P2RY14: variants seen among roughly 807,000 people sequenced by gnomAD.
P2RY14 encodes the protein purinergic receptor P2Y14, also known as P2Y purinoceptor 14.
A neutral mutation model predicts 0.9 loss-of-function variants in P2RY14; 2 were observed. The ratio of observed to expected loss-of-function variants is 2.16; its 90% CI spans 0.88 to 6.79. The LOEUF (loss-of-function observed/expected upper bound fraction) is 6.79, where lower values mean the gene tolerates loss of function less well. Ranked by LOEUF, P2RY14 falls within the 30% of genes most tolerant of loss-of-function variation. P2RY14 has a pLI of 0.05. For synonymous variants in P2RY14, 158 were observed against 147.2 expected, an observed-to-expected ratio of 1.07 and a Z score of -0.53; for missense variants, 378 against 400.1, an observed-to-expected ratio of 0.94 and a Z score of 0.47.
At chr3:151,271,031 T>C (rs1453732268) in intron 1 of P2RY14, among the ~76,000 whole-genome samples, 4 of 148,080 alleles carry the variant, frequency 2.7e-5, no homozygotes, top group Admixed American at 2.7e-4. Context: ...AAAAAAAAAA[T>C]CCCCAAATTT....
chr3:151,223,710 A>G (rs941702845), intron 1 of P2RY14, among the ~76,000 whole-genome samples: 3 of 152,220 alleles, frequency 2.0e-5, no homozygotes, highest in African/African-American at 7.2e-5. Flanking sequence ...GAAGCGGGGA[A>G]ATGGTGGAAA....
intron 1 of P2RY14, among the ~76,000 whole-genome samples, chr3:151,240,572 G>A (rs951581758): frequency 6.6e-6 from 1 of 152,234 alleles, no homozygotes; most frequent in African/African-American, 2.4e-5. Context: ...AACAAAAGGT[G>A]TAGCTCAAGA....
At chr3:151,267,921 A>G (rs1253100016) in intron 1 of P2RY14, among the ~76,000 whole-genome samples, 4 of 152,154 alleles carry the variant, frequency 2.6e-5, no homozygotes, top group African/African-American at 9.6e-5. Flanking sequence ...GTATTTTATC[A>G]GTTGCTAAGT....
intron 1 of P2RY14, among the ~76,000 whole-genome samples, chr3:151,277,360 A>C (rs1446851532): frequency 6.6e-6 from 1 of 152,196 alleles, no homozygotes; most frequent in Non-Finnish European, 1.5e-5. Context: ...AAATCATAAA[A>C]TATGCCATTT....
intron 1 of P2RY14, among the ~76,000 whole-genome samples, chr3:151,240,906 G>A (rs969674586): frequency 2.6e-5 from 4 of 152,206 alleles, no homozygotes; most frequent in Non-Finnish European, 2.9e-5. Flanking sequence ...TTGATTAGCT[G>A]TGTCATCTTG....
intron 1 of P2RY14, among the ~76,000 whole-genome samples, chr3:151,224,358 T>C (rs1210099430): frequency 6.6e-6 from 1 of 152,222 alleles, no homozygotes; most frequent in Non-Finnish European, 1.5e-5. Context: ...TAGAAAATAG[T>C]ATAGATGTAT....
chr3:151,231,452 C>T (rs4680257), intron 1 of P2RY14, among the ~76,000 whole-genome samples: 69,664 of 152,090 alleles, frequency 0.46, 16,515 homozygotes, highest in Middle Eastern at 0.6. Flanking sequence ...AATCTGGCAT[C>T]GTATGCCTCC....
At chr3:151,235,840 A>G (rs1577063708) in intron 1 of P2RY14, among the ~76,000 whole-genome samples, 2 of 152,204 alleles carry the variant, frequency 1.3e-5, no homozygotes, top group South Asian at 4.2e-4. Flanking sequence ...TCACCTTCTC[A>G]GCAAGGCCTT....
intron 1 of P2RY14, among the ~76,000 whole-genome samples, chr3:151,227,868 A>G (rs768329254): frequency 6.3e-4 from 96 of 151,948 alleles, no homozygotes; most frequent in Non-Finnish European, 7.9e-4. Context: ...TGTCTTGTGT[A>G]TTGTTGGGTG....
At position 151,213,696 on chromosome 3, in the gene P2RY14, A is replaced by G. The variant is rs1432770424; in HGVS notation, c.621T>C (p.Thr207=). Residue 207 remains threonine (T), a synonymous_variant, in exon 3 of 3, where the codon ACT becomes ACC. Transcript: ENST00000309170. The part of the protein sequence containing the change: ...IVFLLLIVFY[T]AITKKIFKSH... ...ACTTAAAGATTTTCTTTGTGATAGC[A>G]GTATAGAAAACGATTAACAAAAGAA... The G allele has an allele frequency of 6.8e-6, 11 of 1,614,254 alleles. No individual in the cohort carries two copies. Among genetic ancestry groups the G allele is most frequent in the Non-Finnish European group, 7.6e-6 (9 of 1,180,040 alleles).
At chr3:151,246,644 G>A (rs573041945) in intron 1 of P2RY14, among the ~76,000 whole-genome samples, 9 of 152,098 alleles carry the variant, frequency 5.9e-5, no homozygotes, top group South Asian at 2.1e-4. Flanking sequence ...AGACTTAAAC[G>A]TTAGACCTAC....
Position 151,240,834 on chromosome 3 carries a change from T to C in P2RY14, c.-132-21192A>G, listed in dbSNP as rs547277470. 2.6e-5 allele frequency among the ~76,000 whole-genome samples: 4 copies of C among 152,340 alleles called. No individual in the cohort carries two copies. The South Asian group carries it at 8.3e-4, about 32-fold the overall frequency. On this transcript the variant is annotated intron_variant, in intron 1 of 2. Transcript: ENST00000309170. ...TCCTTAGGTCAGAGACAAGGAGTGA[T>C]AGGTGAAAGGGTAGTGGATTTGAAG... is the stretch of plus-strand genomic sequence containing the variant.
At chr3:151,254,838 A>G (rs1400283796) in intron 1 of P2RY14, among the ~76,000 whole-genome samples, 1 of 152,172 alleles carries the variant, frequency 6.6e-6, no homozygotes, top group Non-Finnish European at 1.5e-5. Flanking sequence ...GCAGGTTGCA[A>G]TTATTGCTGT....
chr3:151,257,623 T>C (rs1738074687), intron 1 of P2RY14, among the ~76,000 whole-genome samples: 1 of 152,254 alleles, frequency 6.6e-6, no homozygotes, highest in South Asian at 2.1e-4. Flanking sequence ...GTCATCAGTA[T>C]TATTTCGTAT....
chr3:151,244,869 T>A (rs1272483114), intron 1 of P2RY14, among the ~76,000 whole-genome samples: 7 of 152,000 alleles, frequency 4.6e-5, no homozygotes, highest in Admixed American at 4.6e-4. Flanking sequence ...GATAGACCGC[T>A]AGCAAGACTA....
At chr3:151,227,834 G>A (rs145595257) in intron 1 of P2RY14, among the ~76,000 whole-genome samples, 47 of 152,068 alleles carry the variant, frequency 3.1e-4, no homozygotes, top group Non-Finnish European at 6.3e-4. Flanking sequence ...TGTTTTTTTC[G>A]GTTTCAGTTC....
At chr3:151,276,048 AT>A (rs1487001556) in intron 1 of P2RY14, among the ~76,000 whole-genome samples, 3 of 152,196 alleles carry the variant, frequency 2.0e-5, no homozygotes, top group Non-Finnish European at 2.9e-5. Flanking sequence ...ATCATAATTA[AT>A]TTATTATACA....
At chr3:151,240,816 G>A (rs1733925650) in intron 1 of P2RY14, among the ~76,000 whole-genome samples, 1 of 152,188 alleles carries the variant, frequency 6.6e-6, no homozygotes, top group Admixed American at 6.5e-5. Flanking sequence ...ATTTCCTTAG[G>A]TCAGAGACAA....
intron 1 of P2RY14, among the ~76,000 whole-genome samples, chr3:151,221,897 T>C (rs553494190): frequency 2.7e-4 from 41 of 152,296 alleles, no homozygotes; most frequent in Middle Eastern, 3.4e-3. Context: ...GTAGATCCCC[T>C]GACAGCTTGC....
Sources: gnomAD v4.1 joint callset for allele counts (sites outside exome capture counted in the v4.1 genomes callset) on GRCh38, gnomAD v4.1.1 for gene constraint, MANE v1.5 for transcripts, NCBI Gene and HGNC (gene_info 2026-07-23, HGNC 2026-07-21) for gene names.